The following HS3ST5 variants were observed in gnomAD, a reference collection of about 807,000 sequenced individuals.
HS3ST5 encodes the protein heparan sulfate-glucosamine 3-sulfotransferase 5.
A neutral mutation model predicts 25.4 loss-of-function variants in HS3ST5; 10 were observed. That is an observed-to-expected ratio of 0.39 (90% CI 0.24 to 0.67). HS3ST5 has a LOEUF of 0.67. Among genes scored for constraint, HS3ST5 ranks in the 30% least tolerant of loss-of-function variants. The probability of loss-of-function intolerance (pLI) is 0.44; values close to 1 mark genes in which losing one functional copy is unlikely to be tolerated. For synonymous variants in HS3ST5, 170 were observed against 162.4 expected (o/e 1.05, Z -0.36); for missense variants, 324 against 420.7 (o/e 0.77, Z 2.01).
At chr6:114,224,042 C>G (rs1213895992) in intron 2 of HS3ST5, among the ~76,000 whole-genome samples, 1 of 151,184 alleles carries the variant, frequency 6.6e-6, no homozygotes, top group Non-Finnish European at 1.5e-5. Flanking sequence ...TTATAGAGTC[C>G]CTCTTTTGTG....
At chr6:114,257,734 CTTG>C (rs1348101150) in intron 1 of HS3ST5, among the ~76,000 whole-genome samples, 3 of 151,926 alleles carry the variant, frequency 2.0e-5, no homozygotes, top group African/African-American at 4.8e-5. Context: ...TCTTCTTCTT[CTTG>C]TTGTTCTTTT....
At chr6:114,208,150 T>C (rs1582716166) in intron 2 of HS3ST5, among the ~76,000 whole-genome samples, 2 of 152,330 alleles carry the variant, frequency 1.3e-5, no homozygotes, top group South Asian at 2.1e-4. Flanking sequence ...AACTTAATCA[T>C]TGAGACACTG....
At chr6:114,336,870 G>T (rs1210483061) in intron 1 of HS3ST5, among the ~76,000 whole-genome samples, 1 of 152,084 alleles carries the variant, frequency 6.6e-6, no homozygotes, top group Non-Finnish European at 1.5e-5. Flanking sequence ...TTCTTGAATA[G>T]TTCCCCAAAC....
At chr6:114,170,405 T>G (rs1779423703) in intron 2 of HS3ST5, among the ~76,000 whole-genome samples, 1 of 152,172 alleles carries the variant, frequency 6.6e-6, no homozygotes, top group African/African-American at 2.4e-5. Context: ...ATTTAGATTT[T>G]ATTCCTTGGA....
At chr6:114,112,302 A>G (rs912689032) in intron 3 of HS3ST5, 4 of 152,416 alleles carry the variant, frequency 2.6e-5, no homozygotes, top group Non-Finnish European at 5.9e-5. Context: ...AGGAGGGAGA[A>G]GCAGAGGTAT....
chr6:114,115,006 TC>T (rs1776451327), intron 3 of HS3ST5, among the ~76,000 whole-genome samples: 1 of 152,002 alleles, frequency 6.6e-6, no homozygotes, highest in African/African-American at 2.4e-5. Flanking sequence ...GCGACCAGAG[TC>T]CTGGTCCCGA....
chr6:114,196,655 A>AC (rs1357721585), intron 2 of HS3ST5, among the ~76,000 whole-genome samples: 1 of 121,832 alleles, frequency 8.2e-6, no homozygotes, highest in African/African-American at 3.2e-5. Flanking sequence ...GGAGCTCCAC[A>AC]AAAAAAAAAA....
chr6:114,329,617 T>C (rs1036932677), intron 1 of HS3ST5, among the ~76,000 whole-genome samples: 3 of 152,134 alleles, frequency 2.0e-5, no homozygotes, highest in Admixed American at 6.6e-5. Context: ...GATGGGGTGA[T>C]GGAAGGATCA....
At chr6:114,176,581 G>A (rs1779734063) in intron 2 of HS3ST5, among the ~76,000 whole-genome samples, 1 of 152,056 alleles carries the variant, frequency 6.6e-6, no homozygotes, top group East Asian at 1.9e-4. Flanking sequence ...TTACCTACAG[G>A]TTTAGATGTC....
At chr6:114,203,645 G>A (rs955974896) in intron 2 of HS3ST5, among the ~76,000 whole-genome samples, 15 of 152,280 alleles carry the variant, frequency 9.9e-5, no homozygotes, top group African/African-American at 3.6e-4. Context: ...AACTGGTCCT[G>A]TGACTACTCC....
chr6:114,221,793 A>G (rs1053850578), intron 2 of HS3ST5, among the ~76,000 whole-genome samples: 2 of 151,786 alleles, frequency 1.3e-5, no homozygotes, highest in Admixed American at 6.6e-5. Context: ...ATCTTTTTAA[A>G]CTAATTAGGC....
At chr6:114,176,041 C>CA (rs1414101928) in intron 2 of HS3ST5, among the ~76,000 whole-genome samples, 9 of 151,956 alleles carry the variant, frequency 5.9e-5, no homozygotes, top group Non-Finnish European at 1.2e-4. Context: ...TGAATGGTAA[C>CA]AAAAAACAAT....
intron 1 of HS3ST5, among the ~76,000 whole-genome samples, chr6:114,306,975 G>A (rs785144): frequency 6.6e-6 from 1 of 152,000 alleles, no homozygotes; most frequent in Non-Finnish European, 1.5e-5. Context: ...TAGCAGCAGC[G>A]GGTGAAGGAT....
intron 2 of HS3ST5, among the ~76,000 whole-genome samples, chr6:114,179,946 A>G (rs912132672): frequency 6.6e-6 from 1 of 152,160 alleles, no homozygotes; most frequent in East Asian, 1.9e-4. Context: ...GAGGGCAGGA[A>G]GCATCCAGCA....
At chr6:114,248,214 A>AT (rs1772472108) in intron 1 of HS3ST5, among the ~76,000 whole-genome samples, 1 of 140,592 alleles carries the variant, frequency 7.1e-6, no homozygotes, top group African/African-American at 2.6e-5. Flanking sequence ...AAATGAAAAA[A>AT]AAAATATATA....
rs578025650 is a variant in HS3ST5, at chr6:114,210,610, G to A, written c.-145+17975C>T. Among the ~76,000 whole-genome samples, 11 of 152,262 alleles carry A rather than the reference G, an allele frequency of 7.2e-5. 1 individual carries two copies. Among genetic ancestry groups the A allele is most frequent in the South Asian group, 4.1e-4 (2 of 4,826 alleles). ...AGAGCATGTACTATACCCAGTTAAGGTCTGGGACACTTCTGTGTCATTCAC... is the reference window on the plus strand; with the variant it reads ...AGAGCATGTACTATACCCAGTTAAGATCTGGGACACTTCTGTGTCATTCAC... On this transcript the variant is annotated intron_variant, in intron 2 of 4. Coordinates refer to ENST00000312719, the MANE Select transcript of HS3ST5 (RefSeq NM_153612.4).
At chr6:114,096,270 G>A (rs914039407) in intron 3 of HS3ST5, among the ~76,000 whole-genome samples, 1 of 152,092 alleles carries the variant, frequency 6.6e-6, no homozygotes, top group Non-Finnish European at 1.5e-5. Context: ...TTCCAAACAT[G>A]TTAGATGGCT....
intron 2 of HS3ST5, among the ~76,000 whole-genome samples, chr6:114,222,494 T>C (rs1308786747): frequency 6.6e-6 from 1 of 151,870 alleles, no homozygotes; most frequent in African/African-American, 2.4e-5. Flanking sequence ...TGCACAACTC[T>C]CCTGCATCAG....
chr6:114,102,313 G>A (rs188902545), intron 3 of HS3ST5, among the ~76,000 whole-genome samples: 34 of 152,284 alleles, frequency 2.2e-4, no homozygotes, highest in Admixed American at 2.0e-3. Context: ...TCTACCTGAG[G>A]TCTTTGCCAT....
Sources: allele counts gnomAD v4.1 joint callset (sites outside exome capture counted in the v4.1 genomes callset), GRCh38; gene constraint gnomAD v4.1.1; transcripts MANE v1.5; gene names NCBI Gene and HGNC (gene_info 2026-07-23, HGNC 2026-07-21).